Variants in MCF2L2 observed in about 807,000 individuals in gnomAD.
The protein encoded by MCF2L2 is MCF.2 cell line derived transforming sequence-like 2.
MCF2L2 carries 102 observed loss-of-function variants against 150.2 expected under a neutral mutation model. The ratio of observed to expected loss-of-function variants is 0.68; its 90% CI spans 0.58 to 0.80. The LOEUF (loss-of-function observed/expected upper bound fraction) is 0.80. MCF2L2 is among the 30% of genes least tolerant of loss of function. The pLI is 0.00. For synonymous variants in MCF2L2, 465 were observed against 491.3 expected (o/e 0.95, Z 0.71); for missense variants, 1,256 against 1,372.8 (o/e 0.91, Z 1.34).
intron 1 of MCF2L2, among the ~76,000 whole-genome samples, chr3:183,390,189 G>T (rs1714060018): frequency 6.6e-6 from 1 of 152,080 alleles, no homozygotes; most frequent in Non-Finnish European, 1.5e-5. Context: ...TTCAAAACAG[G>T]TCATAAAATC....
intron 11 of MCF2L2, chr3:183,297,476 AG>A: frequency 7.3e-6 from 2 of 272,562 alleles, no homozygotes; most frequent in Non-Finnish European, 1.4e-5. Context: ...AATTAAAGAC[AG>A]GGTTTCACTC....
At chr3:183,317,363 T>C (rs779709790) in intron 7 of MCF2L2, among the ~76,000 whole-genome samples, 9 of 152,110 alleles carry the variant, frequency 5.9e-5, no homozygotes, top group Non-Finnish European at 8.8e-5. Flanking sequence ...GTTCTGTTTG[T>C]GCTTCTCAAG....
At chr3:183,228,030 C>T (rs753703813) in intron 18 of MCF2L2, 5 of 399,728 alleles carry the variant, frequency 1.3e-5, no homozygotes, top group African/African-American at 4.3e-5. Context: ...TATACATATA[C>T]ACACACACAC....
chr3:183,322,476 A>T (rs1195476602), intron 6 of MCF2L2, among the ~76,000 whole-genome samples: 1 of 152,222 alleles, frequency 6.6e-6, no homozygotes, highest in Non-Finnish European at 1.5e-5. Flanking sequence ...ACTACAAAAA[A>T]GTCTAAAGAT....
intron 5 of MCF2L2, among the ~76,000 whole-genome samples, chr3:183,330,264 G>A (rs11915940): frequency 0.25 from 31,616 of 124,046 alleles, 5,058 homozygotes; most frequent in African/African-American, 0.48. Flanking sequence ...AAAAAAAAAA[G>A]AAGAAGAAAA....
rs71185653 is a variant in MCF2L2 at position 183,355,613 on chromosome 3, ATTTTTTTTTTT to A, written c.276-13994_276-13984del. The stretch of plus-strand genomic sequence containing the variant: ...AGGCGCCCGCCACCACGCCCAGCTA[ATTTTTTTTTTT>A]TTTTTTTTTTTTTTGGTATTTTTAG... On this transcript the variant is annotated intron_variant, in intron 3 of 29. Coordinates refer to ENST00000328913, the MANE Select transcript of MCF2L2 (RefSeq NM_015078.4). Among the ~76,000 whole-genome samples, 7 of 84,454 alleles carry A rather than the reference ATTTTTTTTTTT, an allele frequency of 8.3e-5. No homozygotes were observed. In the East Asian group the frequency reaches 2.3e-3, roughly 28 times the overall value. The allele number at this position is 84,454 out of a possible 152,430, so 55.4% of individuals were successfully genotyped here.
At chr3:183,233,256 G>A (rs1010103945) in intron 15 of MCF2L2, among the ~76,000 whole-genome samples, 1 of 151,912 alleles carries the variant, frequency 6.6e-6, no homozygotes, top group Admixed American at 6.6e-5. Flanking sequence ...GGAGGGTGAC[G>A]CAGGATAATT....
chr3:183,251,115 C>T (rs1355188316), intron 15 of MCF2L2, among the ~76,000 whole-genome samples: 4 of 152,288 alleles, frequency 2.6e-5, no homozygotes, highest in South Asian at 2.1e-4. Context: ...GAATGAACAC[C>T]GGCCTGCTTC....
chr3:183,337,106 ACT>A (rs1193884274), intron 5 of MCF2L2, among the ~76,000 whole-genome samples: 1 of 151,846 alleles, frequency 6.6e-6, no homozygotes, highest in Non-Finnish European at 1.5e-5. Context: ...TCAGTACTTC[ACT>A]CTTTTTTATT....
At position 183,334,771 on chromosome 3, in the gene MCF2L2, C is replaced by A. The variant is rs10937125; in HGVS notation, c.486+4029G>T. Among the ~76,000 whole-genome samples the A allele has an allele frequency of 6.5e-3, 855 of 131,094 alleles. 22 individuals are homozygous for A. The East Asian group carries it at 0.1, about 15-fold the overall frequency. The allele number at this position is 131,094 out of a possible 152,430, so 86.0% of individuals were successfully genotyped here. A position where few individuals can be genotyped will look rare whatever the true frequency, so the allele number is the denominator to read the frequency against. On this transcript the variant is annotated intron_variant, in intron 5 of 29. Transcript: ENST00000328913. ...TTGCGCCATTGCACTCCAGCCTGGGCGACAAGAGCAAAACTCCATTTCAAA... is the reference window on the plus strand; with the variant it reads ...TTGCGCCATTGCACTCCAGCCTGGGAGACAAGAGCAAAACTCCATTTCAAA...
rs546599296 is a variant in MCF2L2, at chr3:183,208,362, A to G, written c.2497-539T>C. ...TTTACTGTGATCTAATCTTCACAAC[A>G]TTGTAATGGAAATAGTAACTGCATT... On this transcript the variant is annotated intron_variant, in intron 22 of 29. Transcript: ENST00000328913. Among the ~76,000 whole-genome samples the G allele has an allele frequency of 2.6e-5, 4 of 152,330 alleles. No homozygotes were observed. The South Asian group carries it at 8.3e-4, about 32-fold the overall frequency.
intron 15 of MCF2L2, among the ~76,000 whole-genome samples, chr3:183,259,196 A>G (rs1253634905): frequency 6.6e-6 from 1 of 152,176 alleles, no homozygotes; most frequent in Non-Finnish European, 1.5e-5. Flanking sequence ...TTCTGGGGCA[A>G]AGCCAGCCTA....
chr3:183,258,734 CT>C (rs75257179), intron 15 of MCF2L2, among the ~76,000 whole-genome samples: 2 of 151,282 alleles, frequency 1.3e-5, no homozygotes, highest in Non-Finnish European at 1.5e-5. Flanking sequence ...CCCATGTACT[CT>C]TTTTTTTTAT....
chr3:183,261,342 T>A (rs6783964), intron 15 of MCF2L2, among the ~76,000 whole-genome samples: 31,629 of 152,046 alleles, frequency 0.21, 8,416 homozygotes, highest in African/African-American at 0.62. Context: ...CAGGAAAAAA[T>A]ACTTGGAATA....
Position 183,181,325 on chromosome 3 carries a change from G to C in MCF2L2, c.3017-1166C>G, listed in dbSNP as rs982841366. 7.9e-5 allele frequency among the ~76,000 whole-genome samples: 12 copies of C among 152,132 alleles called. No individual in the cohort carries two copies. Among genetic ancestry groups the C allele is most frequent in the Non-Finnish European group, 1.3e-4 (9 of 68,022 alleles). ...GGCTGTGTGAGTAACATGGGGGCGGGGGGGCAGCTGGGCAGCACCTCCCTG... is the reference window on the plus strand; with the variant it reads ...GGCTGTGTGAGTAACATGGGGGCGGCGGGGCAGCTGGGCAGCACCTCCCTG... On this transcript the variant is annotated intron_variant, in intron 27 of 29. Transcript: ENST00000328913. The surrounding 1 kb of genome is among the most constrained non-coding windows in gnomAD (Gnocchi z 4.3).
At chr3:183,396,447 T>TGGG (rs1174674890) in intron 1 of MCF2L2, among the ~76,000 whole-genome samples, 8 of 152,222 alleles carry the variant, frequency 5.3e-5, no homozygotes, top group African/African-American at 1.4e-4. Context: ...GCTCTTAGTT[T>TGGG]TCTTTTGGTA....
At chr3:183,358,952 G>T (rs1428587722) in intron 3 of MCF2L2, among the ~76,000 whole-genome samples, 1 of 151,322 alleles carries the variant, frequency 6.6e-6, no homozygotes, top group Non-Finnish European at 1.5e-5. Flanking sequence ...AACATTAAAT[G>T]TTAAAAGATA....
chr3:183,207,449 G>A (rs1354023190), intron 23 of MCF2L2, among the ~76,000 whole-genome samples, 159 bp downstream of exon 23: 8 of 152,224 alleles, frequency 5.3e-5, no homozygotes, highest in Non-Finnish European at 1.0e-4. Context: ...TGACCCTGGA[G>A]TCAGACAGAC....
At chr3:183,251,744 C>T (rs1195479427) in intron 15 of MCF2L2, among the ~76,000 whole-genome samples, 1 of 151,964 alleles carries the variant, frequency 6.6e-6, no homozygotes, top group Non-Finnish European at 1.5e-5. Context: ...TCATTCTCTT[C>T]CCCTCTCTCT....
Sources: allele counts gnomAD v4.1 joint callset (sites outside exome capture counted in the v4.1 genomes callset), GRCh38; gene constraint gnomAD v4.1.1; non-coding constraint Gnocchi (gnomAD v3.1); transcripts MANE v1.5; gene names NCBI Gene and HGNC (gene_info 2026-07-23, HGNC 2026-07-21).